Variants in SDCBP2 observed in about 807,000 individuals in gnomAD.
SDCBP2 encodes syntenin-2.
Under a neutral mutation model 30.7 loss-of-function variants are expected in SDCBP2, and 28 were observed. The ratio of observed to expected loss-of-function variants is 0.91; its 90% CI spans 0.68 to 1.25. The LOEUF (loss-of-function observed/expected upper bound fraction) is 1.25. Among genes scored for constraint, SDCBP2 ranks in the 50% most tolerant of loss-of-function variants. The pLI is 0.00. For synonymous variants in SDCBP2, 166 were observed against 157.3 expected, an observed-to-expected ratio of 1.06 and a Z score of -0.41; for missense variants, 399 against 379.0, an observed-to-expected ratio of 1.05 and a Z score of -0.44.
At position 1,310,872 on chromosome 20, in the gene SDCBP2, A is replaced by C. The variant is rs2088654999; in HGVS notation, c.752T>G (p.Ile251Ser). 6.2e-7 allele frequency: 1 copy of C among 1,613,890 alleles called. No homozygotes were observed. The highest frequency in any genetic ancestry group is 1.1e-5 in the South Asian group (1 of 91,078). The change falls in exon 8 of 9, where the codon ATT becomes AGT. Residue 251 changes from isoleucine to serine, a missense_variant. By Grantham distance (142) the Ile-to-Ser change is moderately radical (BLOSUM62 -2). Transcript: ENST00000360779. ...IGLKDKKIMEILATAGNVVTL... is the reference protein window; with the variant it reads ...IGLKDKKIMESLATAGNVVTL... The stretch of plus-strand genomic sequence containing the variant: ...GACAACGTTCCCAGCCGTGGCCAGA[A>C]TCTCCATGATCTTTTTGTCCTAGGG...
At position 1,328,463 on chromosome 20, in the gene SDCBP2, C is replaced by T. The variant is rs549431234; in HGVS notation, c.-20+622G>A. On this transcript the variant is annotated intron_variant, in intron 1 of 8. Coordinates refer to ENST00000360779, the MANE Select transcript of SDCBP2 (RefSeq NM_080489.5). ...TACGTGAAGCTGCCTGTCCAGTGCTCGCCCAGCCCATACCAGGCTCGTTTT... is the reference window on the plus strand; with the variant it reads ...TACGTGAAGCTGCCTGTCCAGTGCTTGCCCAGCCCATACCAGGCTCGTTTT... Among the ~76,000 whole-genome samples, 9 of 152,212 alleles carry T rather than the reference C, an allele frequency of 5.9e-5. No homozygotes were observed. In the East Asian group the frequency reaches 7.7e-4, roughly 13 times the overall value.
chr20:1,312,142 C>A (rs2088681431), intron 7 of SDCBP2, among the ~76,000 whole-genome samples, 195 bp downstream of exon 7: 1 of 151,900 alleles, frequency 6.6e-6, no homozygotes, highest in Non-Finnish European at 1.5e-5. Flanking sequence ...TAGTGATCCT[C>A]CTGCTTTGGC....
At chr20:1,312,843 C>T in intron 5 of SDCBP2, 81 bp from the exon 6 acceptor site, 2 of 1,439,358 alleles carry the variant, frequency 1.4e-6, no homozygotes, top group Admixed American at 4.4e-5. Context: ...TGTTTTCCTC[C>T]TGATACTCCA....
chr20:1,327,649 C>T (rs1396731844), intron 1 of SDCBP2, among the ~76,000 whole-genome samples: 1 of 152,268 alleles, frequency 6.6e-6, no homozygotes, highest in Non-Finnish European at 1.5e-5. Context: ...GAGAGCACAG[C>T]ATAGGCAAAT....
At chr20:1,311,788 C>CA (rs2088673086) in intron 7 of SDCBP2, among the ~76,000 whole-genome samples, 1 of 151,714 alleles carries the variant, frequency 6.6e-6, no homozygotes, top group South Asian at 2.1e-4. Flanking sequence ...TCCACTATAC[C>CA]AAAAAAAGTG....
At chr20:1,310,949 C>T in intron 7 of SDCBP2, 58 bp from the exon 8 acceptor site, 3 of 1,294,878 alleles carry the variant, frequency 2.3e-6, no homozygotes, top group Non-Finnish European at 3.3e-6. Context: ...GGCAACTCTA[C>T]AGGCCCCTCT....
At position 1,313,563 on chromosome 20, in the gene SDCBP2, G is replaced by A. The variant is rs183464439; in HGVS notation, c.226-65C>T. ...GGGACCCTGTGCCTCAGGAGACACTGGGGTGGGGGTAGGGATGGGGAAAGG... is the reference window on the plus strand; with the variant it reads ...GGGACCCTGTGCCTCAGGAGACACTAGGGTGGGGGTAGGGATGGGGAAAGG... On this transcript the variant is annotated intron_variant, in intron 4 of 8. Transcript: ENST00000360779. This position sits in a 1 kb window ranked among gnomAD's most constrained non-coding sequence, Gnocchi z 5.2. 1,851 of 1,488,726 alleles carry A rather than the reference G, an allele frequency of 1.2e-3. 16 individuals are homozygous for A. The African/African-American group carries it at 0.019, about 15-fold the overall frequency. The allele number at this position is 1,488,726 out of a possible 1,614,324, so 92.2% of individuals were successfully genotyped here.
chr20:1,324,665 G>A lies in SDCBP2; in HGVS notation c.-19-4230C>T, dbSNP rs13044237. ...GCATATATCAGGTTGGTTGTGGGGA[G>A]TTACACTTTGCTCACCATTCTGGAA... On this transcript the variant is annotated intron_variant, in intron 1 of 8. Coordinates refer to ENST00000360779, the MANE Select transcript of SDCBP2 (RefSeq NM_080489.5). This position sits in a 1 kb window ranked among gnomAD's most constrained non-coding sequence, Gnocchi z 4.7. 1.3e-3 allele frequency among the ~76,000 whole-genome samples: 196 copies of A among 152,336 alleles called. 1 individual carries two copies. Among genetic ancestry groups the A allele is most frequent in the Non-Finnish European group, 2.2e-3 (151 of 68,032 alleles).
intron 1 of SDCBP2, chr20:1,323,878 A>G (rs1443154535): frequency 2.0e-5 from 3 of 151,826 alleles, no homozygotes; most frequent in African/African-American, 7.3e-5. Context: ...GGTTGGATCC[A>G]TGGATGTGAA....
rs760895087 is a variant in SDCBP2, at chr20:1,318,305, G to A, written c.225+13C>T. The A allele has an allele frequency of 5.6e-6, 9 of 1,593,248 alleles. No individual in the cohort carries two copies. The highest frequency in any genetic ancestry group is 1.3e-5 in the African/African-American group (1 of 74,624). On this transcript the variant is annotated intron_variant, in intron 4 of 8. Transcript: ENST00000360779. ...GGTTCTGCGCCCGCAGCAGGCAGAA[G>A]CCAAATACATACACTGTCACCCTCT...
chr20:1,312,711 G>T lies in SDCBP2; in HGVS notation c.436C>A (p.Leu146Met). ...TGCAGGAGCTGGTCCCCAAAGCGCA[G>T]CCCCACAAGGGATGCAGGGGTGTTG... is the stretch of plus-strand genomic sequence containing the variant. ...QANTPASLVG[L>M]RFGDQLLQID... Residue 146 changes from leucine (L) to methionine (M), a missense_variant, in exon 6 of 9, where the codon CTG (leucine) becomes ATG (methionine). Leu to Met is a conservative substitution (Grantham distance 15). Coordinates refer to ENST00000360779, the MANE Select transcript of SDCBP2 (RefSeq NM_080489.5). The T allele has an allele frequency of 2.5e-6, 4 of 1,614,062 alleles. No individual in the cohort carries two copies. Among genetic ancestry groups the T allele is most frequent in the Non-Finnish European group, 3.4e-6 (4 of 1,180,012 alleles).
chr20:1,325,136 G>T (rs1045802510), intron 1 of SDCBP2, among the ~76,000 whole-genome samples: 5 of 152,104 alleles, frequency 3.3e-5, no homozygotes, highest in African/African-American at 1.2e-4. Flanking sequence ...CGCGCCACAG[G>T]AGCGAGGTCC....
In SDCBP2 at chr20:1,325,337, C is replaced by T. The variant is rs887375949; in HGVS notation, c.-20+3748G>A. 2.0e-5 allele frequency: 3 copies of T among 152,382 alleles called. No homozygotes were observed. The South Asian group carries it at 6.2e-4, about 32-fold the overall frequency. 9.4% of individuals were successfully genotyped at this position (152,382 alleles called of 1,614,324 possible). On this transcript the variant is annotated intron_variant, in intron 1 of 8. Coordinates refer to ENST00000360779, the MANE Select transcript of SDCBP2 (RefSeq NM_080489.5). ...CCTGCGCAGAAACACCGCCAAGCGA[C>T]TCAGCAACTTCTAGAGCGCATGCGT...
In SDCBP2 at chr20:1,310,412, C is replaced by G; in HGVS notation, c.*29G>C. ...CTTTGCTGCAGGAGGGCGGGAAGCC[C>G]CCCCTGCCTGCCCTGCCCTGCAGTG... On this transcript the variant is annotated 3_prime_UTR_variant, in exon 9 of 9. Coordinates refer to ENST00000360779, the MANE Select transcript of SDCBP2 (RefSeq NM_080489.5). 3.1e-6 allele frequency: 5 copies of G among 1,611,312 alleles called. No individual in the cohort carries two copies. In the Middle Eastern group the frequency reaches 5.5e-4, roughly 177 times the overall value.
chr20:1,321,209 T>C lies in SDCBP2; in HGVS notation c.-19-774A>G, dbSNP rs995237570. 6.6e-6 allele frequency: 1 copy of C among 152,278 alleles called. No homozygotes were observed. Among genetic ancestry groups the C allele is most frequent in the Non-Finnish European group, 1.5e-5 (1 of 68,102 alleles). The allele number at this position is 152,278 out of a possible 1,614,324, so 9.4% of individuals were successfully genotyped here. On this transcript the variant is annotated intron_variant, in intron 1 of 8. Coordinates refer to ENST00000360779, the MANE Select transcript of SDCBP2 (RefSeq NM_080489.5). This position sits in a 1 kb window ranked among gnomAD's most constrained non-coding sequence, Gnocchi z 5.2. ...AGTTCTGAGGGGTAAAGGTGTGTCCTATTCACCCCACTGAACTCACATGTG... is the reference window on the plus strand; with the variant it reads ...AGTTCTGAGGGGTAAAGGTGTGTCCCATTCACCCCACTGAACTCACATGTG...
intron 4 of SDCBP2, 27 bp downstream of exon 4, chr20:1,318,291 C>T (rs371883008): frequency 9.9e-6 from 15 of 1,509,540 alleles, no homozygotes; most frequent in African/African-American, 5.5e-5. Context: ...GTTCTGCGCC[C>T]GCAGCAGGCA....
At position 1,313,447 on chromosome 20, in the gene SDCBP2, AC is replaced by A; in HGVS notation, c.276del (p.Tyr93ThrfsTer29). On this transcript the variant is annotated frameshift_variant, in exon 5 of 9. Transcript: ENST00000360779. LOFTEE classifies it high-confidence loss of function. The surrounding 1 kb of genome is among the most constrained non-coding windows in gnomAD (Gnocchi z 5.2). ...TCAGCTCGCCGCACGCCCAGGCTGT[AC>A]CCGGTTACCGGTGCCACCATCTGGC... ...GPGQMVAPVT[G>X]YSLGVRRAEI... 1 of 1,600,914 alleles carries A rather than the reference AC, an allele frequency of 6.2e-7. No individual in the cohort carries two copies. Among genetic ancestry groups the A allele is most frequent in the Admixed American group, 1.7e-5 (1 of 59,108 alleles).
intron 1 of SDCBP2, among the ~76,000 whole-genome samples, chr20:1,326,836 A>G (rs555680735): frequency 6.6e-6 from 1 of 152,376 alleles, no homozygotes; most frequent in East Asian, 1.9e-4. Context: ...CTGGCACACA[A>G]CAGGCATCCC....
Position 1,312,723 on chromosome 20 carries a change from A to G in SDCBP2, c.424T>C (p.Ser142Pro). The change falls in exon 6 of 9, where the codon TCC becomes CCC. Residue 142 changes from serine to proline, a missense_variant. Physicochemically the swap from Ser to Pro is moderately conservative, Grantham distance 74 (BLOSUM62 -1). Transcript: ENST00000360779. Reference sequence around the variant, plus strand: ...TCCCCAAAGCGCAGCCCCACAAGGGATGCAGGGGTGTTGGCCTGGACCAAC... The same window carrying G: ...TCCCCAAAGCGCAGCCCCACAAGGGGTGCAGGGGTGTTGGCCTGGACCAAC... ...VQLVQANTPASLVGLRFGDQL... is the reference protein window; with the variant it reads ...VQLVQANTPAPLVGLRFGDQL... The G allele has an allele frequency of 1.2e-6, 2 of 1,613,912 alleles. No homozygotes were observed. The highest frequency in any genetic ancestry group is 1.7e-6 in the Non-Finnish European group (2 of 1,179,982).
Sources: gnomAD v4.1 joint callset for allele counts (sites outside exome capture counted in the v4.1 genomes callset) on GRCh38, gnomAD v4.1.1 for gene constraint, Gnocchi (gnomAD v3.1) non-coding constraint, MANE v1.5 for transcripts, NCBI Gene and HGNC (gene_info 2026-07-23, HGNC 2026-07-21) for gene names.